COL21A1: variants seen among roughly 807,000 people sequenced by gnomAD.
COL21A1 encodes collagen type XXI alpha 1 chain, also known as collagen alpha-1(XXI) chain.
Under a neutral mutation model 137.9 loss-of-function variants are expected in COL21A1, and 149 were observed. That is an observed-to-expected ratio of 1.08 (90% CI 0.95 to 1.24). The LOEUF is 1.24. Ranked by LOEUF, COL21A1 falls within the 50% of genes most tolerant of loss-of-function variation. The pLI is 0.00. For synonymous variants in COL21A1, 456 were observed against 391.5 expected, an observed-to-expected ratio of 1.16 and a Z score of -1.95; for missense variants, 1,167 against 1,158.4, an observed-to-expected ratio of 1.01 and a Z score of -0.11.
intron 10 of COL21A1, among the ~76,000 whole-genome samples, chr6:56,154,633 T>C (rs1157812058): frequency 6.6e-6 from 1 of 152,206 alleles, no homozygotes; most frequent in Non-Finnish European, 1.5e-5. Context: ...AACAACCTCC[T>C]GCATAGTCTC....
intron 12 of COL21A1, among the ~76,000 whole-genome samples, chr6:56,127,194 A>G (rs1386824988): frequency 6.6e-6 from 1 of 152,194 alleles, no homozygotes; most frequent in Non-Finnish European, 1.5e-5. Context: ...AAATCCCCTT[A>G]ATCCTCAATT....
Position 56,125,577 on chromosome 6 carries a change from T to C in COL21A1, c.1640A>G (p.Tyr547Cys), listed in dbSNP as rs1418927449. ...AKGDKGSPGF[Y>C]GKKGAKGEKG... ...GTGATCTATACTTCCCTTTTTGCCA[T>C]AAAATCCAGGTGATCCTTTGTCTCC... The change falls in exon 14 of 30, where the codon TAT becomes TGT. Residue 547 changes from tyrosine (Y) to cysteine (C), a missense_variant. Transcript: ENST00000244728. 1.9e-6 allele frequency: 3 copies of C among 1,601,832 alleles called. 1 individual carries two copies. The highest frequency in any genetic ancestry group is 3.4e-5 in the Admixed American group (2 of 59,586).
intron 1 of COL21A1, among the ~76,000 whole-genome samples, chr6:56,290,736 G>A (rs1054215024): frequency 5.3e-5 from 8 of 152,000 alleles, no homozygotes; most frequent in Non-Finnish European, 8.8e-5. Flanking sequence ...TATTGACCTC[G>A]TGATCCACCC....
intron 25 of COL21A1, 143 bp downstream of exon 25, chr6:56,061,502 CAATT>C (rs1469282633): frequency 7.3e-5 from 38 of 517,632 alleles, no homozygotes; most frequent in African/African-American, 1.7e-4. Flanking sequence ...ATTCTGAAAA[CAATT>C]AATTGGGAAC....
chr6:56,308,298 C>T (rs1418895598), intron 1 of COL21A1, among the ~76,000 whole-genome samples: 2 of 152,240 alleles, frequency 1.3e-5, no homozygotes, highest in African/African-American at 4.8e-5. Flanking sequence ...AGGAGGCCCC[C>T]ATCAGACATT....
intron 1 of COL21A1, among the ~76,000 whole-genome samples, chr6:56,316,876 G>T (rs1430605376): frequency 6.6e-6 from 1 of 152,036 alleles, no homozygotes; most frequent in Non-Finnish European, 1.5e-5. Context: ...TGAACAGCAG[G>T]CTGGGTTAGG....
chr6:56,070,768 T>A lies in COL21A1; in HGVS notation c.1996A>T (p.Met666Leu), dbSNP rs1186754485. 4 of 1,590,366 alleles carry A rather than the reference T, an allele frequency of 2.5e-6. No homozygotes were observed. Among genetic ancestry groups the A allele is most frequent in the Middle Eastern group, 3.3e-4 (2 of 5,990 alleles). The change falls in exon 21 of 30, where the codon ATG becomes TTG. Residue 666 changes from methionine (M) to leucine (L), a missense_variant. Coordinates refer to ENST00000244728, the MANE Select transcript of COL21A1 (RefSeq NM_030820.4). ...GSKGEPGIQG[M>L]PGASGLKGEP... The stretch of plus-strand genomic sequence containing the variant: ...ACCTTGAGCCCAGAAGCCCCAGGCA[T>A]CCCTTGAATTCCAGGTTCACCTTTG...
In COL21A1 at chr6:56,171,148, A is replaced by G. The variant is rs746700674; in HGVS notation, c.641-20T>C. ...CAGATTCTATAAAGCAAAAGCAATA[A>G]AAGTTGGTTAATCATGGACTATTCA... On this transcript the variant is annotated intron_variant, in intron 3 of 29. Coordinates refer to ENST00000244728, the MANE Select transcript of COL21A1 (RefSeq NM_030820.4). The G allele has an allele frequency of 1.3e-6, 2 of 1,559,210 alleles. No homozygotes were observed. Among genetic ancestry groups the G allele is most frequent in the Admixed American group, 2.1e-5 (1 of 48,538 alleles).
intron 1 of COL21A1, among the ~76,000 whole-genome samples, chr6:56,322,482 A>G (rs930267323): frequency 6.6e-6 from 1 of 152,154 alleles, no homozygotes; most frequent in Admixed American, 6.6e-5. Context: ...CAAAGCACAG[A>G]TTTTTATGCT....
At chr6:56,084,964 A>T (rs1216247809) in intron 17 of COL21A1, among the ~76,000 whole-genome samples, 2 of 151,996 alleles carry the variant, frequency 1.3e-5, no homozygotes, top group Admixed American at 6.6e-5. Flanking sequence ...ACATATTGCT[A>T]AGTACACTGT....
At chr6:56,097,886 T>TATATAA (rs1562188379) in intron 17 of COL21A1, among the ~76,000 whole-genome samples, 2 of 90,220 alleles carry the variant, frequency 2.2e-5, no homozygotes, top group African/African-American at 9.0e-5. Context: ...AATATATAAA[T>TATATAA]ATATATAAAT....
At chr6:56,177,395 T>A (rs62413555) in intron 3 of COL21A1, among the ~76,000 whole-genome samples, 10,926 of 152,224 alleles carry the variant, frequency 0.072, 439 homozygotes, top group Middle Eastern at 0.13. Flanking sequence ...AGAAAAAGCA[T>A]GTGAATTTAT....
In COL21A1 at chr6:56,075,334, T is replaced by C. The variant is rs1767126582; in HGVS notation, c.1911+145A>G. On this transcript the variant is annotated intron_variant, in intron 19 of 29. Coordinates refer to ENST00000244728, the MANE Select transcript of COL21A1 (RefSeq NM_030820.4). ...AAAATGCACATAGACATAATATGTT[T>C]CATACAACAGAATGGAATTCATGGA... 29 of 645,634 alleles carry C rather than the reference T, an allele frequency of 4.5e-5. No homozygotes were observed. In the South Asian group the frequency reaches 5.6e-4, roughly 12 times the overall value. 40.0% of individuals were successfully genotyped at this position (645,634 alleles called of 1,614,324 possible).
intron 1 of COL21A1, among the ~76,000 whole-genome samples, chr6:56,278,655 T>C (rs921374664): frequency 6.6e-6 from 1 of 152,196 alleles, no homozygotes; most frequent in Non-Finnish European, 1.5e-5. Flanking sequence ...TTTTCACTGA[T>C]CTCTAGAACA....
chr6:56,300,174 T>G (rs1396227012), intron 1 of COL21A1, among the ~76,000 whole-genome samples: 4 of 152,074 alleles, frequency 2.6e-5, no homozygotes, highest in African/African-American at 9.7e-5. Context: ...CATTAACAGA[T>G]CCTTCTAAAT....
At chr6:56,207,702 G>A (rs948954685) in intron 1 of COL21A1, among the ~76,000 whole-genome samples, 1 of 152,092 alleles carries the variant, frequency 6.6e-6, no homozygotes, top group African/African-American at 2.4e-5. Flanking sequence ...GCATCATCCT[G>A]ATACCAAAAC....
At chr6:56,070,610 A>G (rs1766658206) in intron 21 of COL21A1, 135 bp downstream of exon 21, 1 of 548,844 alleles carries the variant, frequency 1.8e-6, no homozygotes, top group African/African-American at 2.0e-5. Context: ...CATTTCAGGT[A>G]CCTTAATTTC....
intron 17 of COL21A1, among the ~76,000 whole-genome samples, chr6:56,087,838 G>C (rs952471738): frequency 2.0e-5 from 3 of 152,040 alleles, no homozygotes; most frequent in Non-Finnish European, 2.9e-5. Flanking sequence ...ATTTGTTCAG[G>C]AAGATATCCA....
At chr6:56,218,296 T>TAAAA (rs11416360) in intron 1 of COL21A1, among the ~76,000 whole-genome samples, 314 of 148,372 alleles carry the variant, frequency 2.1e-3, no homozygotes, top group African/African-American at 7.3e-3. Context: ...TATGGCTTTG[T>TAAAA]AAAAAAAAAA....
Sources: allele counts gnomAD v4.1 joint callset (sites outside exome capture counted in the v4.1 genomes callset), GRCh38; gene constraint gnomAD v4.1.1; transcripts MANE v1.5; gene names NCBI Gene and HGNC (gene_info 2026-07-23, HGNC 2026-07-21).